The following IQCJ variants were observed in gnomAD, a reference collection of about 807,000 sequenced individuals.
IQCJ encodes the protein IQ domain-containing protein J.
In IQCJ, 9 loss-of-function variants were observed where a neutral mutation model predicts 11.0. That is an observed-to-expected ratio of 0.82 (90% CI 0.49 to 1.43). The LOEUF is 1.43. IQCJ is among the 40% of genes most tolerant of loss of function. IQCJ has a pLI of 0.00. For missense variants in IQCJ, 146 were observed against 133.2 expected (o/e 1.10, Z -0.47); for synonymous variants, 55 against 51.3 (o/e 1.07, Z -0.31).
Position 159,252,792 on chromosome 3 carries a change from A to T in IQCJ, c.140A>T (p.Glu47Val), listed in dbSNP as rs1438385676. The change falls in exon 3 of 4, where the codon GAA becomes GTA. Residue 47 changes from glutamate (E) to valine (V), a missense_variant. By Grantham distance (121) the Glu-to-Val change is moderately radical. Coordinates refer to ENST00000397832, the MANE Select transcript of IQCJ (RefSeq NM_001042706.3). ...TATCCCCTCAATCTACAGCCCTTGG[A>T]ATCAAAGGTGAAAATGTAAGTTATT... Reference protein sequence around the residue: ...EKYPLNLQPLESKVKIIQRAW... With the variant: ...EKYPLNLQPLVSKVKIIQRAW... The T allele has an allele frequency of 6.2e-7, 1 of 1,611,938 alleles. No homozygotes were observed.
At chr3:159,182,881 C>T (rs13098336) in intron 1 of IQCJ, among the ~76,000 whole-genome samples, 20,453 of 150,332 alleles carry the variant, frequency 0.14, 1,584 homozygotes, top group Middle Eastern at 0.2. Flanking sequence ...CAGGGTGTGG[C>T]GCCAGGCTGT....
intron 1 of IQCJ, among the ~76,000 whole-genome samples, chr3:159,126,770 T>C (rs1277943366): frequency 6.6e-6 from 1 of 151,682 alleles, no homozygotes; most frequent in Non-Finnish European, 1.5e-5. Context: ...ATTGACCTTC[T>C]TTTTTTTTCA....
intron 1 of IQCJ, among the ~76,000 whole-genome samples, chr3:159,167,491 G>C (rs1159175855): frequency 6.6e-6 from 1 of 152,144 alleles, no homozygotes; most frequent in Admixed American, 6.5e-5. Context: ...AATAAAGTGA[G>C]TTAAATTCTC....
At chr3:159,191,664 C>G (rs1251147325) in intron 1 of IQCJ, among the ~76,000 whole-genome samples, 9 of 152,186 alleles carry the variant, frequency 5.9e-5, no homozygotes, top group Non-Finnish European at 1.3e-4. Flanking sequence ...AGCTTTATCT[C>G]TGCTTTTATC....
chr3:159,102,077 C>T (rs1178336307), intron 1 of IQCJ, among the ~76,000 whole-genome samples: 1 of 152,184 alleles, frequency 6.6e-6, no homozygotes, highest in Non-Finnish European at 1.5e-5. Context: ...GAATGTCATA[C>T]TAGTAGCCAG....
intron 1 of IQCJ, among the ~76,000 whole-genome samples, chr3:159,094,231 TGGCCTCAA>T (rs2108088709): frequency 1.3e-5 from 2 of 151,512 alleles, no homozygotes; most frequent in African/African-American, 4.9e-5. Flanking sequence ...AGACAAATAT[TGGCCTCAA>T]GGTTCTTATG....
chr3:159,233,542 A>T (rs1726392984), intron 1 of IQCJ, among the ~76,000 whole-genome samples: 1 of 152,216 alleles, frequency 6.6e-6, no homozygotes, highest in Admixed American at 6.5e-5. Context: ...TGTGATAGTT[A>T]AAATAACTAA....
At chr3:159,157,509 C>A (rs1431433479) in intron 1 of IQCJ, among the ~76,000 whole-genome samples, 1 of 152,144 alleles carries the variant, frequency 6.6e-6, no homozygotes, top group African/African-American at 2.4e-5. Flanking sequence ...GAGTAGTGAA[C>A]TCATTGTAGC....
chr3:159,244,598 A>C (rs1320227074), intron 1 of IQCJ, among the ~76,000 whole-genome samples: 1 of 152,140 alleles, frequency 6.6e-6, no homozygotes, highest in Non-Finnish European at 1.5e-5. Context: ...AGAACAACAT[A>C]ATTAAGGGTA....
intron 1 of IQCJ, among the ~76,000 whole-genome samples, chr3:159,231,003 T>C (rs1412079258): frequency 6.6e-6 from 1 of 152,220 alleles, no homozygotes; most frequent in Non-Finnish European, 1.5e-5. Context: ...TTGCTGTTCA[T>C]GAAGTAAACT....
intron 1 of IQCJ, among the ~76,000 whole-genome samples, chr3:159,166,015 G>A (rs1443473870): frequency 2.0e-5 from 3 of 151,540 alleles, no homozygotes; most frequent in East Asian, 1.9e-4. Context: ...CATTTGAGTC[G>A]CTGGCTCATT....
Position 159,090,473 on chromosome 3 carries a change from C to G in IQCJ, c.9+21032C>G, listed in dbSNP as rs549837958. Among the ~76,000 whole-genome samples the G allele has an allele frequency of 5.3e-5, 8 of 151,942 alleles. No individual in the cohort carries two copies. In the South Asian group the frequency reaches 1.2e-3, roughly 24 times the overall value. On this transcript the variant is annotated intron_variant, in intron 1 of 3. Coordinates refer to ENST00000397832, the MANE Select transcript of IQCJ (RefSeq NM_001042706.3). Reference sequence around the variant, plus strand: ...TGTACAAGATTGTTGGATGCTGGGTCAGTTCTGAGAAGCACATCGTCCGTA... The same window carrying G: ...TGTACAAGATTGTTGGATGCTGGGTGAGTTCTGAGAAGCACATCGTCCGTA...
chr3:159,120,030 T>C (rs909125210), intron 1 of IQCJ, among the ~76,000 whole-genome samples: 3 of 152,366 alleles, frequency 2.0e-5, no homozygotes, highest in Non-Finnish European at 4.4e-5. Context: ...CTTCAATATA[T>C]TTACTTGTTA....
intron 1 of IQCJ, among the ~76,000 whole-genome samples, chr3:159,222,663 G>T (rs1725617855): frequency 6.6e-6 from 1 of 152,108 alleles, no homozygotes; most frequent in Non-Finnish European, 1.5e-5. Context: ...TTGAAAATTT[G>T]CTAAGAGAGT....
intron 1 of IQCJ, among the ~76,000 whole-genome samples, chr3:159,199,480 T>G (rs1377009472): frequency 2.6e-5 from 4 of 152,232 alleles, no homozygotes; most frequent in Non-Finnish European, 5.9e-5. Flanking sequence ...AGACCCATTT[T>G]AGACTTCTGA....
At chr3:159,132,569 C>T (rs1194584540) in intron 1 of IQCJ, among the ~76,000 whole-genome samples, 1 of 152,122 alleles carries the variant, frequency 6.6e-6, no homozygotes, top group Non-Finnish European at 1.5e-5. Flanking sequence ...CTAATTCAAT[C>T]TGTTTCCTGC....
intron 1 of IQCJ, among the ~76,000 whole-genome samples, chr3:159,117,072 C>T (rs1254562014): frequency 6.6e-6 from 1 of 152,190 alleles, no homozygotes; most frequent in Non-Finnish European, 1.5e-5. Flanking sequence ...TTCCGTAAAA[C>T]ATTTTGAAAG....
intron 1 of IQCJ, among the ~76,000 whole-genome samples, chr3:159,116,124 A>T (rs946425237): frequency 6.6e-6 from 1 of 152,088 alleles, no homozygotes; most frequent in Non-Finnish European, 1.5e-5. Flanking sequence ...GGTCCCAGCT[A>T]CTCAGGAGGC....
chr3:159,242,736 T>C (rs1248015752), intron 1 of IQCJ, among the ~76,000 whole-genome samples: 1 of 152,054 alleles, frequency 6.6e-6, no homozygotes, highest in East Asian at 1.9e-4. Flanking sequence ...CTATACATTT[T>C]CTAAGAGAAA....
Sources: allele counts gnomAD v4.1 joint callset (sites outside exome capture counted in the v4.1 genomes callset), GRCh38; gene constraint gnomAD v4.1.1; transcripts MANE v1.5; gene names NCBI Gene and HGNC (gene_info 2026-07-23, HGNC 2026-07-21).